AK2: variants seen among roughly 807,000 people sequenced by gnomAD.
AK2 encodes adenylate kinase 2.
AK2 carries 15 observed loss-of-function variants against 24.6 expected under a neutral mutation model. That is an observed-to-expected ratio of 0.61 (90% CI 0.41 to 0.94). AK2 has a LOEUF of 0.94. Among genes scored for constraint, AK2 ranks in the 40% least tolerant of loss-of-function variants. The pLI is 0.00. For synonymous variants in AK2, 102 were observed against 114.0 expected, an observed-to-expected ratio of 0.90 and a Z score of 0.67; for missense variants, 257 against 304.1, an observed-to-expected ratio of 0.85 and a Z score of 1.15.
intron 4 of AK2, among the ~76,000 whole-genome samples, chr1:33,015,490 A>G (rs1030954601): frequency 2.0e-5 from 3 of 152,236 alleles, no homozygotes; most frequent in East Asian, 1.9e-4. Context: ...TGGTTTCTCA[A>G]TTCTCTGCCA....
chr1:33,015,721 T>C (rs1293647816), intron 4 of AK2, among the ~76,000 whole-genome samples: 1 of 151,898 alleles, frequency 6.6e-6, no homozygotes, highest in Non-Finnish European at 1.5e-5. Context: ...CGAAACCCCG[T>C]TTCTACTAAA....
chr1:33,012,314 T>C lies in AK2; in HGVS notation c.*867A>G, dbSNP rs1401117703. ...TCCTCTCCCAGTAATTTCTGTAACCTGCAAAGTAAGTGCCTTTTTCCTTCC... is the reference window on the plus strand; with the variant it reads ...TCCTCTCCCAGTAATTTCTGTAACCCGCAAAGTAAGTGCCTTTTTCCTTCC... On this transcript the variant is annotated 3_prime_UTR_variant, in exon 6 of 6. Coordinates refer to ENST00000672715, the MANE Select transcript of AK2 (RefSeq NM_001625.4). 1 of 1,532,368 alleles carries C rather than the reference T, an allele frequency of 6.5e-7. No homozygotes were observed. The highest frequency in any genetic ancestry group is 1.4e-5 in the African/African-American group (1 of 72,974). 94.9% of individuals were successfully genotyped at this position (1,532,368 alleles called of 1,614,324 possible). A position where few individuals can be genotyped will look rare whatever the true frequency, so the allele number is the denominator to read the frequency against.
intron 1 of AK2, among the ~76,000 whole-genome samples, chr1:33,033,145 G>A (rs1640347638): frequency 1.3e-5 from 2 of 148,696 alleles, no homozygotes; most frequent in East Asian, 4.0e-4. Flanking sequence ...GGGCAACAGA[G>A]CGAGACTCTG....
rs1252162510 is a variant in AK2, at chr1:33,036,854, C to G, written c.-26G>C. Reference sequence around the variant, plus strand: ...GTCCGCCGAAGTCTCTCACTGCCACCAGTTCGCACGCCTCACAGGTCCAGT... The same window carrying G: ...GTCCGCCGAAGTCTCTCACTGCCACGAGTTCGCACGCCTCACAGGTCCAGT... On this transcript the variant is annotated 5_prime_UTR_variant, in exon 1 of 6. Coordinates refer to ENST00000672715, the MANE Select transcript of AK2 (RefSeq NM_001625.4). 18 of 1,560,598 alleles carry G rather than the reference C, an allele frequency of 1.2e-5. No individual in the cohort carries two copies. The highest frequency in any genetic ancestry group is 3.7e-5 in the Admixed American group (2 of 53,494).
intron 5 of AK2, among the ~76,000 whole-genome samples, chr1:33,014,180 C>A (rs948984398): frequency 6.6e-6 from 1 of 152,230 alleles, no homozygotes; most frequent in African/African-American, 2.4e-5. Context: ...TTCCCACTCT[C>A]CAATTGTAGG....
rs770945383 is a variant in AK2 at position 33,013,367 on chromosome 1, A to G, written c.534T>C (p.Asp178=). The G allele has an allele frequency of 6.2e-7, 1 of 1,614,198 alleles. No homozygotes were observed. The highest frequency in any genetic ancestry group is 8.5e-7 in the Non-Finnish European group (1 of 1,180,024). ...GGCGGATTTTCAAGGCCTTTTCATT[A>G]TCATCTGATCGACGGATCAAGGGTT... The part of the protein sequence containing the change: ...TGEPLIRRSD[D]NEKALKIRLQ... The change falls in exon 6 of 6, where the codon GAT becomes GAC. Residue 178 remains aspartate (D), a synonymous_variant. Transcript: ENST00000672715.
rs1004010337 is a variant in AK2, at chr1:33,008,036, C to A, written c.*5145G>T. 4 of 454,038 alleles carry A rather than the reference C, an allele frequency of 8.8e-6. No individual in the cohort carries two copies. In the Admixed American group the frequency reaches 9.4e-5, roughly 11 times the overall value. 28.1% of individuals were successfully genotyped at this position (454,038 alleles called of 1,614,324 possible). A position where few individuals can be genotyped will look rare whatever the true frequency, so the allele number is the denominator to read the frequency against. ...TAGACTATTATTAATTATGAAAACA[C>A]ATAAAGAATTCTGCATATAATTTCA... On this transcript the variant is annotated 3_prime_UTR_variant, in exon 6 of 6. Transcript: ENST00000672715.
In AK2 at chr1:33,008,187, C is replaced by A. The variant is rs1468515977; in HGVS notation, c.*4994G>T. ...TACTAAGCATCTGCTGTGTCCTGGG[C>A]AGTCCAACCCACATGAGTATCTTGG... On this transcript the variant is annotated 3_prime_UTR_variant, in exon 6 of 6. Coordinates refer to ENST00000672715, the MANE Select transcript of AK2 (RefSeq NM_001625.4). The A allele has an allele frequency of 1.1e-5, 5 of 454,252 alleles. No homozygotes were observed. The highest frequency in any genetic ancestry group is 2.2e-5 in the Non-Finnish European group (5 of 226,936). 28.1% of individuals were successfully genotyped at this position (454,252 alleles called of 1,614,324 possible).
chr1:33,018,913 T>C (rs775858577), intron 4 of AK2, among the ~76,000 whole-genome samples: 6 of 152,144 alleles, frequency 3.9e-5, no homozygotes, highest in Non-Finnish European at 8.8e-5. Flanking sequence ...CTCAAGACTA[T>C]CTCATGAGTC....
In AK2 at chr1:33,012,992, A is replaced by G; in HGVS notation, c.*189T>C. 2 of 1,589,396 alleles carry G rather than the reference A, an allele frequency of 1.3e-6. No homozygotes were observed. The highest frequency in any genetic ancestry group is 1.7e-6 in the Non-Finnish European group (2 of 1,173,994). On this transcript the variant is annotated 3_prime_UTR_variant, in exon 6 of 6. Transcript: ENST00000672715. ...TGAACACATATGTGCATGCACACAC[A>G]CACACACACAACACACATACACACA...
intron 1 of AK2, among the ~76,000 whole-genome samples, chr1:33,030,280 T>G (rs758376832): frequency 2.0e-5 from 3 of 152,214 alleles, no homozygotes; most frequent in Non-Finnish European, 2.9e-5. Flanking sequence ...ATCAAAAGCC[T>G]AACTGGGCTG....
Position 33,011,119 on chromosome 1 carries a change from T to A in AK2, c.*2062A>T. The A allele has an allele frequency of 7.1e-7, 1 of 1,412,932 alleles. No homozygotes were observed. The highest frequency in any genetic ancestry group is 9.2e-7 in the Non-Finnish European group (1 of 1,085,324). 87.5% of individuals were successfully genotyped at this position (1,412,932 alleles called of 1,614,324 possible). A position where few individuals can be genotyped will look rare whatever the true frequency, so the allele number is the denominator to read the frequency against. On this transcript the variant is annotated 3_prime_UTR_variant, in exon 6 of 6. Coordinates refer to ENST00000672715, the MANE Select transcript of AK2 (RefSeq NM_001625.4). Reference sequence around the variant, plus strand: ...CATGTTGTATGCACACGTGAATCTATGTGGACGGATGACAAATATTTGGGC... The same window carrying A: ...CATGTTGTATGCACACGTGAATCTAAGTGGACGGATGACAAATATTTGGGC...
Position 33,024,429 on chromosome 1 carries a change from C to A in AK2, c.219+13G>T, listed in dbSNP as rs1639745386. The A allele has an allele frequency of 6.2e-7, 1 of 1,613,370 alleles. No homozygotes were observed. The highest frequency in any genetic ancestry group is 1.1e-5 in the South Asian group (1 of 91,048). The stretch of plus-strand genomic sequence containing the variant: ...TGAGGAATATCAACACTCATTGGTA[C>A]CACCAAACCTACCAGTTTCCCAGCA... On this transcript the variant is annotated intron_variant, in intron 2 of 5. Coordinates refer to ENST00000672715, the MANE Select transcript of AK2 (RefSeq NM_001625.4).
At chr1:33,033,869 C>G (rs1640403403) in intron 1 of AK2, among the ~76,000 whole-genome samples, 1 of 152,030 alleles carries the variant, frequency 6.6e-6, no homozygotes, top group African/African-American at 2.4e-5. Context: ...TTTGTAAAGT[C>G]TGATTTAAGA....
Position 33,011,049 on chromosome 1 carries a change from C to T in AK2, c.*2132G>A. On this transcript the variant is annotated 3_prime_UTR_variant, in exon 6 of 6. Coordinates refer to ENST00000672715, the MANE Select transcript of AK2 (RefSeq NM_001625.4). ...ATACTGAGAAGGGTATATGCATTCC[C>T]TATGAATCTTCCAGTTCTTATGGGC... 1 of 985,436 alleles carries T rather than the reference C, an allele frequency of 1.0e-6. No homozygotes were observed. Among genetic ancestry groups the T allele is most frequent in the Non-Finnish European group, 1.2e-6 (1 of 829,932 alleles). 61.0% of individuals were successfully genotyped at this position (985,436 alleles called of 1,614,324 possible). A position where few individuals can be genotyped will look rare whatever the true frequency, so the allele number is the denominator to read the frequency against.
In AK2 at chr1:33,021,640, CAT is replaced by C; in HGVS notation, c.281_282del (p.Asn94ArgfsTer19). On this transcript the variant is annotated frameshift_variant, in exon 3 of 6. Transcript: ENST00000672715. LOFTEE classifies it high-confidence loss of function. Reference protein sequence around the residue: ...EKNLETPLCKNGFLLDGFPRT... With the variant: ...EKNLETPLCKXGFLLDGFPRT... The stretch of plus-strand genomic sequence containing the variant: ...CGAGGGAAGCCATCCAGAAGAAAAC[CAT>C]TTTTGCACAAGGGGGTCTCCAAATT... The C allele has an allele frequency of 6.2e-7, 1 of 1,614,198 alleles. No individual in the cohort carries two copies. Among genetic ancestry groups the C allele is most frequent in the Non-Finnish European group, 8.5e-7 (1 of 1,180,028 alleles).
In AK2 at chr1:33,011,623, A is replaced by G. The variant is rs758361176; in HGVS notation, c.*1558T>C. On this transcript the variant is annotated 3_prime_UTR_variant, in exon 6 of 6. Transcript: ENST00000672715. ...AGCAGATTATGCTGAGGCTGGCGATATTATTTACTGGATCTGCCACTGACT... is the reference window on the plus strand; with the variant it reads ...AGCAGATTATGCTGAGGCTGGCGATGTTATTTACTGGATCTGCCACTGACT... 1.6e-6 allele frequency: 2 copies of G among 1,290,212 alleles called. No individual in the cohort carries two copies. The highest frequency in any genetic ancestry group is 1.5e-5 in the African/African-American group (1 of 66,036). The allele number at this position is 1,290,212 out of a possible 1,614,324, so 79.9% of individuals were successfully genotyped here. A position where few individuals can be genotyped will look rare whatever the true frequency, so the allele number is the denominator to read the frequency against.
intron 1 of AK2, chr1:33,031,815 T>C (rs185083488): frequency 1.8e-5 from 7 of 381,978 alleles, no homozygotes; most frequent in East Asian, 7.4e-5. Context: ...TGAGGAGGGG[T>C]TGGCAAAAAA....
Position 33,021,704 on chromosome 1 carries a change from C to G in AK2, c.220-1G>C, listed in dbSNP as rs1373947207. 1.2e-6 allele frequency: 2 copies of G among 1,611,774 alleles called. No homozygotes were observed. Among genetic ancestry groups the G allele is most frequent in the Non-Finnish European group, 1.7e-6 (2 of 1,177,974 alleles). Reference sequence around the variant, plus strand: ...GCTCCACTACCATTTCATCACTCACCTGGAAGTTAGGAACAAAATAGCCTT... The same window carrying G: ...GCTCCACTACCATTTCATCACTCACGTGGAAGTTAGGAACAAAATAGCCTT... On this transcript the variant is annotated splice_acceptor_variant, in intron 2 of 5. Transcript: ENST00000672715. LOFTEE classifies it high-confidence loss of function.
Sources: allele counts gnomAD v4.1 joint callset (sites outside exome capture counted in the v4.1 genomes callset), GRCh38; gene constraint gnomAD v4.1.1; transcripts MANE v1.5; gene names NCBI Gene and HGNC (gene_info 2026-07-23, HGNC 2026-07-21).